SNUPN: variants seen among roughly 807,000 people sequenced by gnomAD.
The protein encoded by SNUPN is snurportin-1.
Under a neutral mutation model 39.2 loss-of-function variants are expected in SNUPN, and 31 were observed. The ratio of observed to expected loss-of-function variants is 0.79; its 90% CI spans 0.59 to 1.07. The LOEUF (loss-of-function observed/expected upper bound fraction) is 1.07, where lower values mean the gene tolerates loss of function less well. Ranked by LOEUF, SNUPN falls within the 50% of genes least tolerant of loss-of-function variation. The pLI is 0.00. For missense variants in SNUPN, 382 were observed against 434.2 expected, an observed-to-expected ratio of 0.88 and a Z score of 1.07; for synonymous variants, 132 against 159.0, an observed-to-expected ratio of 0.83 and a Z score of 1.28.
At chr15:75,607,778 G>A (rs780208083) in intron 5 of SNUPN, among the ~76,000 whole-genome samples, 8 of 152,194 alleles carry the variant, frequency 5.3e-5, no homozygotes, top group Non-Finnish European at 1.2e-4. Context: ...AAATTACAGA[G>A]CTCATACTAA....
chr15:75,614,000 C>A (rs1049829586), intron 3 of SNUPN, among the ~76,000 whole-genome samples: 4 of 151,842 alleles, frequency 2.6e-5, no homozygotes, highest in Non-Finnish European at 5.9e-5. Flanking sequence ...TTAATAATGG[C>A]ATTATTTGGC....
intron 3 of SNUPN, among the ~76,000 whole-genome samples, chr15:75,610,941 G>A (rs1195000272): frequency 6.6e-6 from 1 of 152,026 alleles, no homozygotes; most frequent in East Asian, 2.0e-4. Flanking sequence ...AGACCAAGGC[G>A]GGCGGATCAC....
Position 75,605,218 on chromosome 15 carries a change from G to A in SNUPN, c.610C>T (p.Arg204Ter), listed in dbSNP as rs974853421. ...HPFYDCQTDFRFYWMHSKLPE... is the reference protein window; with the variant it reads ...HPFYDCQTDF ...AACTTTGAATGCATCCAGTAGAATC[G>A]GAAATCAGTCTGCCACAGAGAAGGG... Residue 204 changes from arginine to a stop codon, truncating the protein, a stop_gained, in exon 7 of 9, where the codon CGA becomes TGA. Transcript: ENST00000308588. LOFTEE classifies it high-confidence loss of function. The A allele has an allele frequency of 8.1e-6, 13 of 1,610,352 alleles. No homozygotes were observed. Among genetic ancestry groups the A allele is most frequent in the East Asian group, 2.2e-5 (1 of 44,798 alleles).
intron 3 of SNUPN, among the ~76,000 whole-genome samples, chr15:75,615,594 ATTTTTTT>A (rs141302808): frequency 1.8e-4 from 13 of 73,972 alleles, no homozygotes; most frequent in Admixed American, 2.2e-4. Context: ...AAGGAATCTC[ATTTTTTT>A]TTTTTTTTTT....
At chr15:75,608,345 T>C (rs1202365855) in intron 5 of SNUPN, among the ~76,000 whole-genome samples, 1 of 152,124 alleles carries the variant, frequency 6.6e-6, no homozygotes, top group Admixed American at 6.6e-5. Flanking sequence ...ATCATGCCCT[T>C]GAACCCGAGC....
intron 6 of SNUPN, among the ~76,000 whole-genome samples, chr15:75,606,055 G>T (rs2075328860): frequency 6.6e-6 from 1 of 152,212 alleles, no homozygotes; most frequent in African/African-American, 2.4e-5. Flanking sequence ...GGAGGCAGGA[G>T]AAGTGCTTGA....
chr15:75,601,979 G>A (rs2075291323), intron 7 of SNUPN, among the ~76,000 whole-genome samples: 1 of 152,070 alleles, frequency 6.6e-6, no homozygotes, highest in East Asian at 1.9e-4. Flanking sequence ...CTGGGCTCAA[G>A]GGATTCTCCC....
At chr15:75,617,925 G>A (rs182951632) in intron 2 of SNUPN, among the ~76,000 whole-genome samples, 5 of 152,186 alleles carry the variant, frequency 3.3e-5, no homozygotes, top group Non-Finnish European at 7.4e-5. Flanking sequence ...CCTATAATGC[G>A]ACACATTTAA....
chr15:75,620,742 C>T (rs1234408485), intron 2 of SNUPN, 152 bp downstream of exon 2: 1 of 675,502 alleles, frequency 1.5e-6, no homozygotes, highest in African/African-American at 1.8e-5. Context: ...CTACCTCTGC[C>T]AGGATTTACC....
Position 75,598,470 on chromosome 15 carries a change from A to AAGGAAG in SNUPN, c.970_971insCTTCCT (p.Leu324delinsProSerPhe), listed in dbSNP as rs774453219. On this transcript the variant is annotated protein_altering_variant, in exon 9 of 9. Transcript: ENST00000308588. Reference sequence around the variant, plus strand: ...CCCATTCTCAGAGGCCTTGTGTGTGAGTTTCTCCTTCATGCCTTCCTTCTG... The same window carrying AAGGAAG: ...CCCATTCTCAGAGGCCTTGTGTGTGAAGGAAGGTTTCTCCTTCATGCCTTCCTTCTG... 29 of 1,613,986 alleles carry AAGGAAG rather than the reference A, an allele frequency of 1.8e-5. No homozygotes were observed. The highest frequency in any genetic ancestry group is 1.5e-5 in the Non-Finnish European group (18 of 1,180,008).
At chr15:75,600,334 G>A (rs1190446801) in intron 8 of SNUPN, among the ~76,000 whole-genome samples, 1 of 151,846 alleles carries the variant, frequency 6.6e-6, no homozygotes, top group South Asian at 2.1e-4. Context: ...GAGTGCAGTG[G>A]CTCAATCTCG....
Position 75,608,377 on chromosome 15 carries a change from T to C in SNUPN, c.503-1064A>G, listed in dbSNP as rs1892685383. 2.0e-5 allele frequency among the ~76,000 whole-genome samples: 3 copies of C among 151,936 alleles called. No individual in the cohort carries two copies. In the South Asian group the frequency reaches 6.3e-4, roughly 32 times the overall value. Reference sequence around the variant, plus strand: ...GAGCCTGGGCCACAGAGTGAGACCGTGTCAAAAAATAAAAAAGAGAAGTCT... The same window carrying C: ...GAGCCTGGGCCACAGAGTGAGACCGCGTCAAAAAATAAAAAAGAGAAGTCT... On this transcript the variant is annotated intron_variant, in intron 5 of 8. Coordinates refer to ENST00000308588, the MANE Select transcript of SNUPN (RefSeq NM_005701.4).
intron 3 of SNUPN, among the ~76,000 whole-genome samples, chr15:75,613,501 G>A (rs187066299): frequency 2.0e-5 from 3 of 151,536 alleles, no homozygotes; most frequent in Admixed American, 2.0e-4. Context: ...AAATTAGCCG[G>A]AAGTGGTGGC....
chr15:75,622,538 C>T (rs980358403), intron 1 of SNUPN: 23 of 940,442 alleles, frequency 2.4e-5, no homozygotes, highest in African/African-American at 5.3e-5. Context: ...TTCATTCAAG[C>T]GCCTGTGAGC....
At chr15:75,606,348 A>G (rs550542715) in intron 6 of SNUPN, among the ~76,000 whole-genome samples, 80 of 152,256 alleles carry the variant, frequency 5.3e-4, no homozygotes, top group African/African-American at 1.8e-3. Context: ...GAAGCAGCCT[A>G]TGGTGACAGC....
intron 7 of SNUPN, among the ~76,000 whole-genome samples, chr15:75,604,430 G>C (rs959923763): frequency 1.3e-5 from 2 of 152,158 alleles, no homozygotes; most frequent in Non-Finnish European, 2.9e-5. Flanking sequence ...CCAAAGTGCT[G>C]GGATTACAGG....
chr15:75,612,409 C>T (rs1281687431), intron 3 of SNUPN, among the ~76,000 whole-genome samples: 1 of 152,138 alleles, frequency 6.6e-6, no homozygotes. Context: ...CCCTTCCTGA[C>T]ATCCGTTCCC....
intron 2 of SNUPN, 34 bp from the exon 3 acceptor site, chr15:75,617,586 TTTC>T (rs1172852121): frequency 1.3e-6 from 2 of 1,577,864 alleles, no homozygotes; most frequent in African/African-American, 2.8e-5. Flanking sequence ...GGACATATCT[TTTC>T]TTCTTTTTTT....
chr15:75,598,609 G>T lies in SNUPN; in HGVS notation c.832C>A (p.Arg278Ser). The T allele has an allele frequency of 6.2e-7, 1 of 1,613,916 alleles. No individual in the cohort carries two copies. The highest frequency in any genetic ancestry group is 8.5e-7 in the Non-Finnish European group (1 of 1,179,776). Residue 278 changes from arginine to serine, a missense_variant, in exon 9 of 9, where the codon CGC (arginine) becomes AGC (serine). Transcript: ENST00000308588. ...PGSTPLVGWLRPYMVSDVLGV... is the reference protein window; with the variant it reads ...PGSTPLVGWLSPYMVSDVLGV... ...AGGACATCTGACACCATGTAGGGGC[G>T]CAGCCAGCCCACCAAGGGAGTGCTT...
Sources: allele counts gnomAD v4.1 joint callset (sites outside exome capture counted in the v4.1 genomes callset), GRCh38; gene constraint gnomAD v4.1.1; transcripts MANE v1.5; gene names NCBI Gene and HGNC (gene_info 2026-07-23, HGNC 2026-07-21).